Variants in PLEKHB2 observed in about 807,000 individuals in gnomAD.
PLEKHB2 encodes the protein pleckstrin homology domain containing B2.
PLEKHB2 carries 31 observed loss-of-function variants against 36.5 expected under a neutral mutation model. That is an observed-to-expected ratio of 0.85 (90% confidence interval 0.64 to 1.15). PLEKHB2 has a LOEUF of 1.15. Among genes scored for constraint, PLEKHB2 ranks in the 50% most tolerant of loss-of-function variants. PLEKHB2 has a pLI of 0.00. For synonymous variants in PLEKHB2, 119 were observed against 112.0 expected (o/e 1.06, Z -0.39); for missense variants, 262 against 295.3 (o/e 0.89, Z 0.83).
Position 131,148,678 on chromosome 2 carries a change from T to A in PLEKHB2, c.*1905T>A, listed in dbSNP as rs1699469832. The A allele has an allele frequency of 6.6e-6, 1 of 152,224 alleles. No individual in the cohort carries two copies. Among genetic ancestry groups the A allele is most frequent in the African/African-American group, 2.4e-5 (1 of 41,458 alleles). The allele number at this position is 152,224 out of a possible 1,614,324, so 9.4% of individuals were successfully genotyped here. Reference sequence around the variant, plus strand: ...ATGACCACGGGTCTGCTTTTCTCTCTGATCCTAGGGGACTTGTTGACATGG... The same window carrying A: ...ATGACCACGGGTCTGCTTTTCTCTCAGATCCTAGGGGACTTGTTGACATGG... On this transcript the variant is annotated 3_prime_UTR_variant, in exon 8 of 8. Transcript: ENST00000693505.
At position 131,127,529 on chromosome 2, in the gene PLEKHB2, A is replaced by T. The variant is rs144547355; in HGVS notation, c.293+743A>T. Among the ~76,000 whole-genome samples the T allele has an allele frequency of 6.4e-3, 968 of 152,300 alleles. 13 individuals carry two copies. The highest frequency in any genetic ancestry group is 0.022 in the African/African-American group (922 of 41,570). On this transcript the variant is annotated intron_variant, in intron 4 of 7. Coordinates refer to ENST00000693505, the MANE Select transcript of PLEKHB2 (RefSeq NM_001100623.2). ...CCATTTGAGGGTACTGGGGATTAGG[A>T]TTTATACATATCTTTTTCATGAGGA...
At chr2:131,127,021 A>G in intron 4 of PLEKHB2, 1 of 443,062 alleles carries the variant, frequency 2.3e-6, no homozygotes, top group Non-Finnish European at 4.0e-6. Context: ...TAGCAGTCTC[A>G]TCATGCTGTC....
chr2:131,132,707 C>T (rs192006367), intron 5 of PLEKHB2, among the ~76,000 whole-genome samples, 195 bp from the exon 6 acceptor site: 226 of 152,298 alleles, frequency 1.5e-3, no homozygotes, highest in Non-Finnish European at 2.8e-3. Context: ...CCACTTTGCT[C>T]TTGCATTTAG....
chr2:131,142,398 C>G (rs1559109753), intron 7 of PLEKHB2, among the ~76,000 whole-genome samples: 1 of 151,816 alleles, frequency 6.6e-6, no homozygotes, highest in Non-Finnish European at 1.5e-5. Context: ...TGTAATACTC[C>G]TAAGTATTTT....
At chr2:131,110,279 C>T (rs572368725) in intron 1 of PLEKHB2, among the ~76,000 whole-genome samples, 209 of 151,460 alleles carry the variant, frequency 1.4e-3, no homozygotes, top group Non-Finnish European at 2.4e-3. Context: ...TACTTTTTTT[C>T]CTCCCCTGTA....
chr2:131,146,948 C>T lies in PLEKHB2; in HGVS notation c.*175C>T. Reference sequence around the variant, plus strand: ...TAAGTACCACAGAGAAGGGTTTGAACTGTGCTATTTTGTTCAAATGTTGAC... The same window carrying T: ...TAAGTACCACAGAGAAGGGTTTGAATTGTGCTATTTTGTTCAAATGTTGAC... On this transcript the variant is annotated 3_prime_UTR_variant, in exon 8 of 8. Coordinates refer to ENST00000693505, the MANE Select transcript of PLEKHB2 (RefSeq NM_001100623.2). The T allele has an allele frequency of 1.8e-6, 1 of 546,596 alleles. No individual in the cohort carries two copies. The highest frequency in any genetic ancestry group is 3.1e-6 in the Non-Finnish European group (1 of 324,228). The allele number at this position is 546,596 out of a possible 1,614,324, so 33.9% of individuals were successfully genotyped here.
chr2:131,138,015 A>ATTTTTTT (rs779343791), intron 6 of PLEKHB2, among the ~76,000 whole-genome samples: 1 of 113,298 alleles, frequency 8.8e-6, no homozygotes, highest in Non-Finnish European at 1.9e-5. Context: ...AGAGATGCTC[A>ATTTTTTT]TTTTTTTTTT....
In PLEKHB2 at chr2:131,140,020, C is replaced by CG. The variant is rs1365895927; in HGVS notation, c.424-141dup. 4 of 556,056 alleles carry CG rather than the reference C, an allele frequency of 7.2e-6. 1 individual carries two copies. Among genetic ancestry groups the CG allele is most frequent in the Middle Eastern group, 9.6e-4 (2 of 2,088 alleles). The allele number at this position is 556,056 out of a possible 1,614,324, so 34.4% of individuals were successfully genotyped here. ...TGTTTGTTTTTTAGTAATTTTAAAA[C>CG]GGGGGGCCTAACCACACTGTTTCAT... On this transcript the variant is annotated intron_variant, in intron 6 of 7. Coordinates refer to ENST00000693505, the MANE Select transcript of PLEKHB2 (RefSeq NM_001100623.2).
intron 5 of PLEKHB2, among the ~76,000 whole-genome samples, chr2:131,131,377 G>A (rs1178731993): frequency 6.6e-6 from 1 of 152,184 alleles, no homozygotes; most frequent in Non-Finnish European, 1.5e-5. Context: ...TCCTTTTCAC[G>A]CATGGGAGCT....
intron 2 of PLEKHB2, among the ~76,000 whole-genome samples, 171 bp from the exon 3 acceptor site, chr2:131,125,582 G>C (rs1045237541): frequency 6.6e-6 from 1 of 152,192 alleles, no homozygotes; most frequent in Non-Finnish European, 1.5e-5. Flanking sequence ...GCATGTGCCT[G>C]TAGTCGCAGC....
intron 6 of PLEKHB2, among the ~76,000 whole-genome samples, chr2:131,137,924 C>T (rs1196932157): frequency 1.3e-5 from 2 of 151,126 alleles, no homozygotes; most frequent in Admixed American, 1.3e-4. Context: ...AATCATTATT[C>T]TTGAGTGCTT....
chr2:131,137,512 C>T (rs1256305580), intron 6 of PLEKHB2, among the ~76,000 whole-genome samples: 1 of 152,008 alleles, frequency 6.6e-6, no homozygotes, highest in Non-Finnish European at 1.5e-5. Context: ...TGGAATTGTT[C>T]CTTTTCTTAT....
intron 1 of PLEKHB2, among the ~76,000 whole-genome samples, chr2:131,117,943 T>C (rs1347073457): frequency 6.6e-6 from 1 of 152,228 alleles, no homozygotes; most frequent in Non-Finnish European, 1.5e-5. Context: ...AGTTCTCTGC[T>C]TCAAATCCTT....
rs1385334101 is a variant in PLEKHB2 at position 131,129,486 on chromosome 2, T to TGA, written c.294-1233_294-1232dup. Among the ~76,000 whole-genome samples, 15 of 152,076 alleles carry TGA rather than the reference T, an allele frequency of 9.9e-5. No individual in the cohort carries two copies. In the South Asian group the frequency reaches 3.1e-3, roughly 32 times the overall value. On this transcript the variant is annotated intron_variant, in intron 4 of 7. Transcript: ENST00000693505. ...GTAAGAAAAGTAAGGGGTAAAGGAG[T>TGA]GAGGGAGTGCACAAGAGAACACTAT...
At chr2:131,129,958 T>A (rs1454608870) in intron 4 of PLEKHB2, among the ~76,000 whole-genome samples, 3 of 152,230 alleles carry the variant, frequency 2.0e-5, no homozygotes, top group Admixed American at 2.0e-4. Context: ...TATCCTTTGA[T>A]GTGGTATTTT....
intron 3 of PLEKHB2, among the ~76,000 whole-genome samples, chr2:131,126,270 G>A (rs1697091212): frequency 6.6e-6 from 1 of 152,156 alleles, no homozygotes; most frequent in East Asian, 1.9e-4. Flanking sequence ...GCTCATGCCT[G>A]TAATCCCAGC....
Position 131,120,922 on chromosome 2 carries a change from T to G in PLEKHB2, c.-8-12T>G. The stretch of plus-strand genomic sequence containing the variant: ...GGGTATGATTTTGAACCTGCCTGTT[T>G]TTGTTCTGTAGGTGAAGAGATGGCG... On this transcript the variant is annotated splice_polypyrimidine_tract_variant and intron_variant, in intron 1 of 7. Coordinates refer to ENST00000693505, the MANE Select transcript of PLEKHB2 (RefSeq NM_001100623.2). 2 of 1,614,076 alleles carry G rather than the reference T, an allele frequency of 1.2e-6. No homozygotes were observed. Among genetic ancestry groups the G allele is most frequent in the Non-Finnish European group, 1.7e-6 (2 of 1,179,876 alleles).
At chr2:131,110,688 A>T (rs777963060) in intron 1 of PLEKHB2, among the ~76,000 whole-genome samples, 2 of 151,928 alleles carry the variant, frequency 1.3e-5, no homozygotes, top group Non-Finnish European at 2.9e-5. Flanking sequence ...TAATGATTTG[A>T]CTGGGTGTGG....
intron 6 of PLEKHB2, among the ~76,000 whole-genome samples, chr2:131,136,391 G>A (rs1456186709): frequency 6.6e-6 from 1 of 150,748 alleles, no homozygotes; most frequent in East Asian, 1.9e-4. Context: ...TTTTTTTGTT[G>A]TAGAGACAGG....
Sources: gnomAD v4.1 joint callset for allele counts (sites outside exome capture counted in the v4.1 genomes callset) on GRCh38, gnomAD v4.1.1 for gene constraint, MANE v1.5 for transcripts, NCBI Gene and HGNC (gene_info 2026-07-23, HGNC 2026-07-21) for gene names.